ITM2C: variants seen among roughly 807,000 people sequenced by gnomAD.
ITM2C encodes integral membrane protein 2C.
In ITM2C, 20 loss-of-function variants were observed where a neutral mutation model predicts 30.0. The ratio of observed to expected loss-of-function variants is 0.67; its 90% CI spans 0.47 to 0.97. The LOEUF (loss-of-function observed/expected upper bound fraction) is 0.97. ITM2C is among the 50% of genes least tolerant of loss of function. ITM2C has a pLI of 0.00. For missense variants in ITM2C, 366 were observed against 371.9 expected (o/e 0.98, Z 0.13); for synonymous variants, 167 against 156.4 (o/e 1.07, Z -0.51).
chr2:230,877,819 C>T lies in ITM2C; in HGVS notation c.713-189C>T, dbSNP rs1483692162. 6.6e-6 allele frequency among the ~76,000 whole-genome samples: 1 copy of T among 152,190 alleles called. No individual in the cohort carries two copies. Among genetic ancestry groups the T allele is most frequent in the Non-Finnish European group, 1.5e-5 (1 of 68,028 alleles). On this transcript the variant is annotated intron_variant, in intron 5 of 5. Coordinates refer to ENST00000326427, the MANE Select transcript of ITM2C (RefSeq NM_030926.6). The surrounding 1 kb of genome is among the most constrained non-coding windows in gnomAD (Gnocchi z 4.8). ...GGTTAACACCCTGGAGGTCACACAG[C>T]AGGGAGGTGGCAGACATGGGCAGGC... is the stretch of plus-strand genomic sequence containing the variant.
chr2:230,868,922 C>T (rs543818511), intron 1 of ITM2C, among the ~76,000 whole-genome samples: 3 of 152,222 alleles, frequency 2.0e-5, no homozygotes, highest in Admixed American at 6.5e-5. Flanking sequence ...TGGGATTTGG[C>T]GCCCCGGCAG....
chr2:230,864,891 G>C (rs1696983568), upstream of ITM2C: 1 of 1,098,022 alleles, frequency 9.1e-7, no homozygotes, highest in African/African-American at 1.6e-5. This position sits in a 1 kb window ranked among gnomAD's most constrained non-coding sequence, Gnocchi z 4.3. Context: ...GGCGGGGAGG[G>C]CTGGGGGTGG....
At chr2:230,875,521 T>G in intron 2 of ITM2C, 99 bp from the exon 3 acceptor site, 2 of 1,024,362 alleles carry the variant, frequency 2.0e-6, no homozygotes. Flanking sequence ...TCCGCAGGCT[T>G]TTGGGGCATG....
intron 1 of ITM2C, among the ~76,000 whole-genome samples, chr2:230,868,230 G>A (rs1279882407): frequency 6.6e-6 from 1 of 152,072 alleles, no homozygotes; most frequent in Non-Finnish European, 1.5e-5. Flanking sequence ...TGGGGGTGGG[G>A]GCCAGCTGGG....
At chr2:230,867,432 C>T (rs1039878611) in intron 1 of ITM2C, among the ~76,000 whole-genome samples, 1 of 152,172 alleles carries the variant, frequency 6.6e-6, no homozygotes, top group Non-Finnish European at 1.5e-5. Flanking sequence ...CTGCCCCCAG[C>T]AGTGAGCAGG....
intron 2 of ITM2C, among the ~76,000 whole-genome samples, chr2:230,873,913 T>C (rs1697228713): frequency 6.6e-6 from 1 of 152,240 alleles, no homozygotes; most frequent in South Asian, 2.1e-4. Flanking sequence ...CAGGTCACGC[T>C]TTAAGGCTGA....
chr2:230,869,773 G>A (rs905141664), intron 1 of ITM2C, among the ~76,000 whole-genome samples: 2 of 152,174 alleles, frequency 1.3e-5, no homozygotes, highest in African/African-American at 4.8e-5. Flanking sequence ...TTTTGGCCCT[G>A]GCTTTGGTAA....
Position 230,878,067 on chromosome 2 carries a change from G to T in ITM2C, c.772G>T (p.Val258Leu). The T allele has an allele frequency of 2.5e-6, 4 of 1,604,348 alleles. No individual in the cohort carries two copies. The highest frequency in any genetic ancestry group is 3.4e-6 in the Non-Finnish European group (4 of 1,174,502). ...CATCCGCCACTTCGAGAACACCTTC[G>T]TGGTGGAGACGCTCATCTGCGGGGT... is the stretch of plus-strand genomic sequence containing the variant. ...NAIRHFENTF[V>L]VETLICGVV The change falls in exon 6 of 6, where the codon GTG (valine) becomes TTG (leucine). Residue 258 changes from valine to leucine, a missense_variant. Coordinates refer to ENST00000326427, the MANE Select transcript of ITM2C (RefSeq NM_030926.6). The surrounding 1 kb of genome is among the most constrained non-coding windows in gnomAD (Gnocchi z 4.5).
chr2:230,871,247 C>T (rs144739440), intron 1 of ITM2C, among the ~76,000 whole-genome samples: 14 of 152,372 alleles, frequency 9.2e-5, no homozygotes, highest in African/African-American at 3.4e-4. Flanking sequence ...GGCAGATTTC[C>T]CAGCTGCTGT....
chr2:230,877,304 G>T lies in ITM2C; in HGVS notation c.562-96G>T. On this transcript the variant is annotated intron_variant, in intron 4 of 5. Transcript: ENST00000326427. The surrounding 1 kb of genome is among the most constrained non-coding windows in gnomAD (Gnocchi z 4.8). The stretch of plus-strand genomic sequence containing the variant: ...AGGACATCAGAAGGGCCAGCCCAGG[G>T]GCCTCTGGAGGAGGGAGGTGGGCTG... The T allele has an allele frequency of 7.7e-7, 1 of 1,293,546 alleles. No homozygotes were observed. The highest frequency in any genetic ancestry group is 1.3e-5 in the South Asian group (1 of 75,544). The allele number at this position is 1,293,546 out of a possible 1,614,324, so 80.1% of individuals were successfully genotyped here. A position where few individuals can be genotyped will look rare whatever the true frequency, so the allele number is the denominator to read the frequency against.
chr2:230,877,510 GA>G lies in ITM2C; in HGVS notation c.675del (p.Asp226ThrfsTer71). The stretch of plus-strand genomic sequence containing the variant: ...CCTTCATCTACCACCTGTGCAACGG[GA>G]AAGACACCTACCGGCTCCGGCGCCG... ...GSFIYHLCNG[K>X]DTYRLRRRAT... On this transcript the variant is annotated frameshift_variant, in exon 5 of 6. Transcript: ENST00000326427. LOFTEE classifies it high-confidence loss of function. The surrounding 1 kb of genome is among the most constrained non-coding windows in gnomAD (Gnocchi z 4.8). 6.2e-7 allele frequency: 1 copy of G among 1,613,998 alleles called. No homozygotes were observed. Among genetic ancestry groups the G allele is most frequent in the Non-Finnish European group, 8.5e-7 (1 of 1,180,024 alleles).
At chr2:230,867,287 G>A (rs1050645427) in intron 1 of ITM2C, among the ~76,000 whole-genome samples, 1 of 152,226 alleles carries the variant, frequency 6.6e-6, no homozygotes, top group African/African-American at 2.4e-5. Context: ...GGTGTTGCAA[G>A]TTGGCTCTGC....
chr2:230,877,617 T>C lies in ITM2C; in HGVS notation c.712+67T>C, dbSNP rs1041352992. The C allele has an allele frequency of 2.9e-5, 45 of 1,551,500 alleles. No individual in the cohort carries two copies. The highest frequency in any genetic ancestry group is 3.9e-5 in the Non-Finnish European group (44 of 1,132,396). On this transcript the variant is annotated intron_variant, in intron 5 of 5. Transcript: ENST00000326427. This position sits in a 1 kb window ranked among gnomAD's most constrained non-coding sequence, Gnocchi z 4.8. ...CCCAGACCACAGTTATCTTCACGCC[T>C]AGCCCAGCTGTCAGAGAGCTCAGAT...
At position 230,877,614 on chromosome 2, in the gene ITM2C, G is replaced by A. The variant is rs183452225; in HGVS notation, c.712+64G>A. On this transcript the variant is annotated intron_variant, in intron 5 of 5. Transcript: ENST00000326427. The surrounding 1 kb of genome is among the most constrained non-coding windows in gnomAD (Gnocchi z 4.8). ...TGCCCCAGACCACAGTTATCTTCAC[G>A]CCTAGCCCAGCTGTCAGAGAGCTCA... 1.6e-5 allele frequency: 25 copies of A among 1,554,922 alleles called. No homozygotes were observed. In the East Asian group the frequency reaches 2.2e-4, roughly 14 times the overall value.
chr2:230,875,947 G>A, intron 3 of ITM2C, 139 bp downstream of exon 3: 1 of 681,070 alleles, frequency 1.5e-6, no homozygotes, highest in South Asian at 2.0e-5. Context: ...TCAAGACACT[G>A]CTTTTCTCCT....
chr2:230,866,610 A>G (rs1459553834), intron 1 of ITM2C, among the ~76,000 whole-genome samples: 2 of 151,780 alleles, frequency 1.3e-5, no homozygotes, highest in Non-Finnish European at 2.9e-5. Context: ...CCCCCTTTTC[A>G]TCTGAAGCTT....
At chr2:230,874,785 A>G (rs1697249801) in intron 2 of ITM2C, among the ~76,000 whole-genome samples, 1 of 152,220 alleles carries the variant, frequency 6.6e-6, no homozygotes, top group Non-Finnish European at 1.5e-5. Flanking sequence ...AGGCCCCTCC[A>G]GGAGCCCCCT....
chr2:230,875,788 A>G lies in ITM2C; in HGVS notation c.430A>G (p.Ile144Val), dbSNP rs1472998138. ...PQFGGGDPADIIHDFQRGLTA... is the reference protein window; with the variant it reads ...PQFGGGDPADVIHDFQRGLTA... ...GTTTGGCGGCGGTGACCCTGCAGAC[A>G]TCATCCATGACTTCCAGCGGGTGAG... Residue 144 changes from isoleucine to valine, a missense_variant, in exon 3 of 6, where the codon ATC becomes GTC. Physicochemically the swap from Ile to Val is conservative, Grantham distance 29. Transcript: ENST00000326427. The G allele has an allele frequency of 1.5e-6, 2 of 1,351,372 alleles. No homozygotes were observed. The highest frequency in any genetic ancestry group is 2.0e-6 in the Non-Finnish European group (2 of 1,019,320). The allele number at this position is 1,351,372 out of a possible 1,614,324, so 83.7% of individuals were successfully genotyped here.
chr2:230,872,111 G>A (rs1011451415), intron 1 of ITM2C, among the ~76,000 whole-genome samples: 5 of 152,250 alleles, frequency 3.3e-5, no homozygotes, highest in Admixed American at 6.5e-5. Flanking sequence ...TGGGGAAGCC[G>A]AGGCCCAGAA....
Sources: allele counts gnomAD v4.1 joint callset (sites outside exome capture counted in the v4.1 genomes callset), GRCh38; gene constraint gnomAD v4.1.1; non-coding constraint Gnocchi (gnomAD v3.1); transcripts MANE v1.5; gene names NCBI Gene and HGNC (gene_info 2026-07-23, HGNC 2026-07-21).